The following LRCOL1 variants were observed in gnomAD, a reference collection of about 807,000 sequenced individuals.
The protein encoded by LRCOL1 is leucine rich colipase like 1.
In LRCOL1, 21 loss-of-function variants were observed where a neutral mutation model predicts 21.6. That is an observed-to-expected ratio of 0.97 (90% CI 0.69 to 1.40). The LOEUF is 1.40. Ranked by LOEUF, LRCOL1 falls within the 40% of genes most tolerant of loss-of-function variation. LRCOL1 has a pLI of 0.00. For synonymous variants in LRCOL1, 98 were observed against 90.1 expected (o/e 1.09, Z -0.49); for missense variants, 198 against 202.3 (o/e 0.98, Z 0.13).
rs200004102 is a variant in LRCOL1, at chr12:132,605,742, CTCTT to C, written c.105+401_105+404del. On this transcript the variant is annotated intron_variant, in intron 2 of 5. Coordinates refer to ENST00000376608, the MANE Select transcript of LRCOL1 (RefSeq NM_001195520.2). The stretch of plus-strand genomic sequence containing the variant: ...AGGCTTCATCTCTCTCTCTCTCTCT[CTCTT>C]ACACACACACGCACACAATTTAAAA... 219 of 132,610 alleles carry C rather than the reference CTCTT, an allele frequency of 1.7e-3. 3 individuals carry two copies. The highest frequency in any genetic ancestry group is 5.7e-3 in the South Asian group (24 of 4,204). 8.2% of individuals were successfully genotyped at this position (132,610 alleles called of 1,614,324 possible). A position where few individuals can be genotyped will look rare whatever the true frequency, so the allele number is the denominator to read the frequency against.
intron 1 of LRCOL1, among the ~76,000 whole-genome samples, chr12:132,607,759 C>T (rs1363797837): frequency 6.6e-6 from 1 of 151,246 alleles, no homozygotes; most frequent in East Asian, 2.0e-4. Flanking sequence ...CTGTCTCTCT[C>T]TGTCTCTCCC....
chr12:132,604,650 A>G, intron 3 of LRCOL1, 56 bp downstream of exon 3: 1 of 1,527,186 alleles, frequency 6.5e-7, no homozygotes, highest in Non-Finnish European at 8.8e-7. Context: ...AGGGGCAGGT[A>G]GGAGGGGGCC....
Position 132,605,180 on chromosome 12 carries a change from C to T in LRCOL1, c.106-349G>A, listed in dbSNP as rs956231413. 6 of 967,146 alleles carry T rather than the reference C, an allele frequency of 6.2e-6. No homozygotes were observed. The African/African-American group carries it at 7.0e-5, about 11-fold the overall frequency. 59.9% of individuals were successfully genotyped at this position (967,146 alleles called of 1,614,324 possible). On this transcript the variant is annotated intron_variant, in intron 2 of 5. Transcript: ENST00000376608. ...GCTCAGGGAAGGCGAGCAAGGTGCC[C>T]AGGATTGCACAGCTGGCAGAGGTGA...
At chr12:132,604,644 G>A in intron 3 of LRCOL1, 60 bp from the exon 4 acceptor site, 1 of 1,526,372 alleles carries the variant, frequency 6.6e-7, no homozygotes, top group Non-Finnish European at 8.8e-7. Context: ...CTCTTCAGGG[G>A]CAGGTAGGAG....
At position 132,604,291 on chromosome 12, in the gene LRCOL1, A is replaced by C; in HGVS notation, c.440T>G (p.Ile147Ser). The stretch of plus-strand genomic sequence containing the variant: ...CTGGGCCAGGATCCCGGTCCGGGGA[A>C]TGCAGCGGAAGGGGCTGTACTCCCT... ...QLREYSPFRC[I>S]PRTGILAQCL... The change falls in exon 5 of 6, where the codon ATT becomes AGT. Residue 147 changes from isoleucine to serine, a missense_variant. Ile to Ser is a moderately radical substitution (Grantham distance 142, BLOSUM62 -2). Transcript: ENST00000376608. 6.5e-7 allele frequency: 1 copy of C among 1,535,556 alleles called. No individual in the cohort carries two copies. The highest frequency in any genetic ancestry group is 8.7e-7 in the Non-Finnish European group (1 of 1,146,746).
intron 1 of LRCOL1, among the ~76,000 whole-genome samples, chr12:132,607,623 C>T (rs981047323): frequency 1.9e-4 from 29 of 152,060 alleles, no homozygotes; most frequent in African/African-American, 7.0e-4. Flanking sequence ...GTCTCTCTGT[C>T]TCTCCCTCTG....
intron 1 of LRCOL1, among the ~76,000 whole-genome samples, chr12:132,607,799 C>CTCTT (rs2041329561): frequency 6.6e-6 from 1 of 150,790 alleles, no homozygotes; most frequent in African/African-American, 2.5e-5. Context: ...CTCTCTCTGT[C>CTCTT]TCTGTCTCCC....
chr12:132,608,727 C>T (rs1430702738), intron 1 of LRCOL1, among the ~76,000 whole-genome samples: 1 of 152,162 alleles, frequency 6.6e-6, no homozygotes, highest in Non-Finnish European at 1.5e-5. Context: ...CCACTGTGCC[C>T]GTCTTAAATA....
chr12:132,604,409 G>A (rs753005889), intron 4 of LRCOL1, 33 bp from the exon 5 acceptor site: 2 of 1,533,978 alleles, frequency 1.3e-6, no homozygotes, highest in South Asian at 1.2e-5. Flanking sequence ...GTCGTGGAGA[G>A]GGGCTGTCTC....
At chr12:132,603,821 A>G (rs540896402) in intron 5 of LRCOL1, 1 of 985,294 alleles carries the variant, frequency 1.0e-6, no homozygotes, top group Admixed American at 6.1e-5. Flanking sequence ...TGCACCGAGC[A>G]CGGCTTGTCC....
intron 1 of LRCOL1, among the ~76,000 whole-genome samples, chr12:132,608,484 T>G (rs2041340057): frequency 6.6e-6 from 1 of 152,250 alleles, no homozygotes. Flanking sequence ...ATGAGTCATG[T>G]CGACACTTTC....
rs1593646819 is a variant in LRCOL1 at position 132,603,294 on chromosome 12, C to A, written c.*108G>T. The A allele has an allele frequency of 8.8e-6, 13 of 1,482,124 alleles. No individual in the cohort carries two copies. Among genetic ancestry groups the A allele is most frequent in the Non-Finnish European group, 1.2e-5 (13 of 1,100,480 alleles). 91.8% of individuals were successfully genotyped at this position (1,482,124 alleles called of 1,614,324 possible). ...ATTTTCAGAGCCCCAGAAACAGCAG[C>A]ACAAACCGTAAGGGAAGCTTCCGCT... On this transcript the variant is annotated 3_prime_UTR_variant, in exon 6 of 6. Transcript: ENST00000376608.
rs891752852 is a variant in LRCOL1 at position 132,606,210 on chromosome 12, C to G, written c.42G>C (p.Leu14=). 9.1e-6 allele frequency: 14 copies of G among 1,536,442 alleles called. No homozygotes were observed. Among genetic ancestry groups the G allele is most frequent in the Non-Finnish European group, 1.2e-5 (14 of 1,146,868 alleles). ...CTGCCATGGACCCCAGCAGCAGCAG[C>G]AGCAGCAGCAGTAGCAGCAGCGTCC... is the stretch of plus-strand genomic sequence containing the variant. ...PGWTLLLLLL[L]LLLLGSMAGY... The change falls in exon 2 of 6, where the codon CTG becomes CTC. Residue 14 remains leucine (L), a synonymous_variant. Transcript: ENST00000376608. This position sits in a 1 kb window ranked among gnomAD's most constrained non-coding sequence, Gnocchi z 4.6.
chr12:132,609,311 T>C (rs2323970), intron 1 of LRCOL1, among the ~76,000 whole-genome samples: 64,040 of 151,992 alleles, frequency 0.42, 13,795 homozygotes, highest in East Asian at 0.64. Flanking sequence ...CCGGTTGACA[T>C]TTGGGAAGAT....
chr12:132,603,467 G>C (rs2041252417), intron 5 of LRCOL1, 63 bp from the exon 6 acceptor site: 1 of 1,535,864 alleles, frequency 6.5e-7, no homozygotes, highest in Non-Finnish European at 8.7e-7. Flanking sequence ...GCCGCGGAAG[G>C]AGGACGGGAA....
chr12:132,609,452 A>T (rs1401685356), intron 1 of LRCOL1, among the ~76,000 whole-genome samples: 1 of 152,216 alleles, frequency 6.6e-6, no homozygotes. Flanking sequence ...TAATCCCAGC[A>T]CTTTGGGAGG....
chr12:132,606,306 C>T lies in LRCOL1; in HGVS notation c.-13-42G>A. On this transcript the variant is annotated intron_variant, in intron 1 of 5. Coordinates refer to ENST00000376608, the MANE Select transcript of LRCOL1 (RefSeq NM_001195520.2). The surrounding 1 kb of genome is among the most constrained non-coding windows in gnomAD (Gnocchi z 4.6). Reference sequence around the variant, plus strand: ...TTGTGTGGGAGTGTGTCCACGCCAGCCTTGTCCTGCCTGGCACCTGGTGCT... The same window carrying T: ...TTGTGTGGGAGTGTGTCCACGCCAGTCTTGTCCTGCCTGGCACCTGGTGCT... The T allele has an allele frequency of 4.0e-6, 6 of 1,505,418 alleles. No individual in the cohort carries two copies. Among genetic ancestry groups the T allele is most frequent in the Non-Finnish European group, 5.3e-6 (6 of 1,121,632 alleles). The allele number at this position is 1,505,418 out of a possible 1,614,324, so 93.3% of individuals were successfully genotyped here.
chr12:132,609,601 G>A (rs1418653136), intron 1 of LRCOL1, among the ~76,000 whole-genome samples: 1 of 152,148 alleles, frequency 6.6e-6, no homozygotes, highest in Non-Finnish European at 1.5e-5. Flanking sequence ...GGAGGCTGAG[G>A]CAGGAGAATC....
chr12:132,610,062 G>A (rs2041353933), intron 1 of LRCOL1, among the ~76,000 whole-genome samples: 1 of 152,236 alleles, frequency 6.6e-6, no homozygotes, highest in African/African-American at 2.4e-5. Context: ...GGCTGGTGCT[G>A]TAACCCCTGC....
Sources: gnomAD v4.1 joint callset for allele counts (sites outside exome capture counted in the v4.1 genomes callset) on GRCh38, gnomAD v4.1.1 for gene constraint, Gnocchi (gnomAD v3.1) non-coding constraint, MANE v1.5 for transcripts, NCBI Gene and HGNC (gene_info 2026-07-23, HGNC 2026-07-21) for gene names.